BRD4: variants seen among roughly 807,000 people sequenced by gnomAD.
The protein encoded by BRD4 is bromodomain containing 4.
A neutral mutation model predicts 142.1 loss-of-function variants in BRD4; 16 were observed. That is an observed-to-expected ratio of 0.11 (90% CI 0.08 to 0.17). The LOEUF (loss-of-function observed/expected upper bound fraction) is 0.17. BRD4 is among the 10% of genes least tolerant of loss of function. BRD4 has a pLI of 1.00. For missense variants in BRD4, 1,424 were observed against 1,810.9 expected (o/e 0.79, Z 3.88); for synonymous variants, 833 against 707.5 (o/e 1.18, Z -2.82).
At chr19:15,323,225 C>CAAAAA in intron 1 of BRD4, among the ~76,000 whole-genome samples, 1 of 127,294 alleles carries the variant, frequency 7.9e-6, no homozygotes, top group African/African-American at 3.1e-5. Flanking sequence ...CTCTTAAAAT[C>CAAAAA]CAGATTCTGA....
At chr19:15,240,632 C>T (rs2047231296) in intron 14 of BRD4, among the ~76,000 whole-genome samples, 1 of 152,216 alleles carries the variant, frequency 6.6e-6, no homozygotes, top group Admixed American at 6.5e-5. Flanking sequence ...CTGGAGCTGT[C>T]TCTTAGGAAA....
In BRD4 at chr19:15,264,761, CTTT is replaced by C. The variant is rs1232288416; in HGVS notation, c.852_854del (p.Lys286del). Reference sequence around the variant, plus strand: ...TGTCTGCTTTCCTCTTCACTCCCTTCTTTGTCTGCCAAGAACACGGACGCCAAC... The same window carrying C: ...TGTCTGCTTTCCTCTTCACTCCCTTCGTCTGCCAAGAACACGGACGCCAAC... On this transcript the variant is annotated inframe_deletion and splice_region_variant, in exon 6 of 20. Coordinates refer to ENST00000679869, the MANE Select transcript of BRD4 (RefSeq NM_001379291.1). The C allele has an allele frequency of 1.8e-5, 28 of 1,599,578 alleles. No individual in the cohort carries two copies. The highest frequency in any genetic ancestry group is 2.2e-5 in the Non-Finnish European group (26 of 1,171,058).
In BRD4 at chr19:15,275,217, T is replaced by G. The variant is rs4809129; in HGVS notation, c.-34-2084A>C. ...AACAGTTTTCTACAGAAAACCTGACTCTTGAACCTTGCCTCATTTGGTGTT... is the reference window on the plus strand; with the variant it reads ...AACAGTTTTCTACAGAAAACCTGACGCTTGAACCTTGCCTCATTTGGTGTT... On this transcript the variant is annotated intron_variant, in intron 1 of 19. Transcript: ENST00000679869. Among the ~76,000 whole-genome samples the G allele has an allele frequency of 6.2e-3, 942 of 152,322 alleles. 31 individuals carry two copies. Among genetic ancestry groups the G allele is most frequent in the Admixed American group, 0.048 (739 of 15,304 alleles).
chr19:15,258,587 T>A (rs1208254942), intron 7 of BRD4, among the ~76,000 whole-genome samples: 1 of 151,836 alleles, frequency 6.6e-6, no homozygotes, highest in Non-Finnish European at 1.5e-5. Context: ...CCTGGCCCAA[T>A]AACTTTTTTC....
chr19:15,254,334 C>A (rs1194957237), intron 10 of BRD4, 72 bp from the exon 11 acceptor site: 10 of 1,271,874 alleles, frequency 7.9e-6, no homozygotes, highest in Middle Eastern at 2.1e-4. Flanking sequence ...CATGGGCACA[C>A]CCCATCCATC....
chr19:15,309,926 C>G (rs886688839), intron 1 of BRD4, among the ~76,000 whole-genome samples: 1 of 152,154 alleles, frequency 6.6e-6, no homozygotes, highest in African/African-American at 2.4e-5. Context: ...GCAGAGCTTG[C>G]CAATCTGGCT....
At chr19:15,328,352 T>C (rs537102167) in intron 1 of BRD4, among the ~76,000 whole-genome samples, 41 of 152,356 alleles carry the variant, frequency 2.7e-4, no homozygotes, top group East Asian at 2.5e-3. Flanking sequence ...TATGTGTTTA[T>C]TGCCCACTTC....
intron 1 of BRD4, among the ~76,000 whole-genome samples, chr19:15,283,424 T>G (rs951383454): frequency 2.6e-5 from 4 of 152,158 alleles, no homozygotes; most frequent in African/African-American, 9.7e-5. Flanking sequence ...TCATTTAAAT[T>G]TAAAACTATA....
chr19:15,253,732 CTG>C (rs2047374363), intron 11 of BRD4: 1 of 1,598,420 alleles, frequency 6.3e-7, no homozygotes, highest in East Asian at 2.2e-5. Context: ...CTGCACGTGA[CTG>C]TGATACGGGG....
intron 1 of BRD4, among the ~76,000 whole-genome samples, chr19:15,327,086 A>C (rs1390243518): frequency 6.6e-6 from 1 of 152,170 alleles, no homozygotes; most frequent in African/African-American, 2.4e-5. Flanking sequence ...TCATTCATTT[A>C]AACAGTTACT....
In BRD4 at chr19:15,314,537, C is replaced by G. The variant is rs142527529; in HGVS notation, c.-35+17753G>C. Among the ~76,000 whole-genome samples, 853 of 152,312 alleles carry G rather than the reference C, an allele frequency of 5.6e-3. 5 individuals carry two copies. The highest frequency in any genetic ancestry group is 0.016 in the Admixed American group (239 of 15,292). On this transcript the variant is annotated intron_variant, in intron 1 of 19. Coordinates refer to ENST00000679869, the MANE Select transcript of BRD4 (RefSeq NM_001379291.1). ...GGGAGGAGCCCTCACATCCATCCTC[C>G]TGGAGATGCCCAATGCCCCCAAGTC... is the stretch of plus-strand genomic sequence containing the variant.
At chr19:15,322,461 G>A (rs548061808) in intron 1 of BRD4, among the ~76,000 whole-genome samples, 5 of 151,986 alleles carry the variant, frequency 3.3e-5, no homozygotes, top group East Asian at 1.9e-4. Context: ...TGTAATCCCA[G>A]CACTTTGGGA....
At chr19:15,241,800 C>T (rs1046579052) in intron 14 of BRD4, among the ~76,000 whole-genome samples, 2 of 150,704 alleles carry the variant, frequency 1.3e-5, no homozygotes, top group African/African-American at 2.4e-5. Flanking sequence ...CCACTTGGCA[C>T]CTGACTTTTT....
intron 1 of BRD4, among the ~76,000 whole-genome samples, chr19:15,276,060 T>C (rs957258706): frequency 6.6e-6 from 1 of 152,048 alleles, no homozygotes; most frequent in African/African-American, 2.4e-5. Context: ...CACCATAAGA[T>C]ACCTGGGACT....
chr19:15,285,727 TTAC>T (rs2047735069), intron 1 of BRD4, among the ~76,000 whole-genome samples: 1 of 152,198 alleles, frequency 6.6e-6, no homozygotes. Context: ...CTAATTTTTA[TTAC>T]TACTTTTTAC....
chr19:15,237,612 A>AAT lies in BRD4; in HGVS notation c.*763_*764dup, dbSNP rs1360065503. On this transcript the variant is annotated 3_prime_UTR_variant, in exon 20 of 20. Transcript: ENST00000679869. ...AAAAATAAAATAGAATTCAACAAAA[A>AAT]ATATATATAGAAAAAAAAGAAAAAA... 4.3e-6 allele frequency: 1 copy of AAT among 230,042 alleles called. No individual in the cohort carries two copies. The highest frequency in any genetic ancestry group is 8.6e-6 in the Non-Finnish European group (1 of 116,144). The allele number at this position is 230,042 out of a possible 1,614,324, so 14.3% of individuals were successfully genotyped here.
At chr19:15,313,139 A>C (rs1245028042) in intron 1 of BRD4, among the ~76,000 whole-genome samples, 1 of 152,100 alleles carries the variant, frequency 6.6e-6, no homozygotes, top group African/African-American at 2.4e-5. Context: ...TGGGAGGCTG[A>C]GGCGGGCGGA....
chr19:15,265,716 T>C (rs1028205581), intron 4 of BRD4, 73 bp from the exon 5 acceptor site: 1 of 1,474,978 alleles, frequency 6.8e-7, no homozygotes, highest in Non-Finnish European at 9.5e-7. Context: ...CGTGGGGACA[T>C]ACACCACACA....
In BRD4 at chr19:15,243,452, G is replaced by A. The variant is rs2145512336; in HGVS notation, c.2617C>T (p.Pro873Ser). 1 of 1,578,084 alleles carries A rather than the reference G, an allele frequency of 6.3e-7. No homozygotes were observed. The highest frequency in any genetic ancestry group is 8.6e-7 in the Non-Finnish European group (1 of 1,164,304). Residue 873 changes from proline (P) to serine (S), a missense_variant, in exon 14 of 20, where the codon CCC (proline) becomes TCC (serine). Pro to Ser is a moderately conservative substitution (Grantham distance 74). Transcript: ENST00000679869. Reference sequence around the variant, plus strand: ...GGCAGGGCAGCGGCTCGGTTGCTGGGCCGTGATGGCTGCTGGGGTAGTGCG... The same window carrying A: ...GGCAGGGCAGCGGCTCGGTTGCTGGACCGTGATGGCTGCTGGGGTAGTGCG... ...HNALPQQPSR[P>S]SNRAAALPPK...
Sources: gnomAD v4.1 joint callset for allele counts (sites outside exome capture counted in the v4.1 genomes callset) on GRCh38, gnomAD v4.1.1 for gene constraint, MANE v1.5 for transcripts, NCBI Gene and HGNC (gene_info 2026-07-23, HGNC 2026-07-21) for gene names.